NLGN1: variants seen among roughly 807,000 people sequenced by gnomAD.
The protein encoded by NLGN1 is neuroligin-1.
In NLGN1, 12 loss-of-function variants were observed where a neutral mutation model predicts 65.5. The ratio of observed to expected loss-of-function variants is 0.18; its 90% CI spans 0.12 to 0.30. The LOEUF is 0.30. Among genes scored for constraint, NLGN1 ranks in the 10% least tolerant of loss-of-function variants. NLGN1 has a pLI of 1.00. For missense variants in NLGN1, 750 were observed against 1,007.1 expected (o/e 0.74, Z 3.46); for synonymous variants, 350 against 359.5 (o/e 0.97, Z 0.30).
At chr3:173,747,308 ATATT>A (rs1775603823) in intron 3 of NLGN1, among the ~76,000 whole-genome samples, 2 of 138,838 alleles carry the variant, frequency 1.4e-5, no homozygotes, top group Non-Finnish European at 3.1e-5. Context: ...ATGTATGTAT[ATATT>A]TATATATACT....
chr3:173,819,038 G>A (rs1250458171), intron 4 of NLGN1, among the ~76,000 whole-genome samples: 1 of 151,354 alleles, frequency 6.6e-6, no homozygotes, highest in East Asian at 1.9e-4. Flanking sequence ...AAGACATCTT[G>A]TTTATTCTTT....
At chr3:173,557,454 A>G (rs185798968) in intron 2 of NLGN1, among the ~76,000 whole-genome samples, 2 of 152,200 alleles carry the variant, frequency 1.3e-5, no homozygotes, top group Non-Finnish European at 2.9e-5. Flanking sequence ...ATAATTATTT[A>G]TAAGATTGTG....
Position 173,707,752 on chromosome 3 carries a change from A to G in NLGN1, c.494-99928A>G, listed in dbSNP as rs560132800. Among the ~76,000 whole-genome samples, 278 of 152,326 alleles carry G rather than the reference A, an allele frequency of 1.8e-3. 1 individual carries two copies. Among genetic ancestry groups the G allele is most frequent in the Admixed American group, 5.3e-3 (81 of 15,310 alleles). On this transcript the variant is annotated intron_variant, in intron 3 of 6. Coordinates refer to ENST00000457714, the Ensembl canonical transcript of NLGN1. ...CTTTCCTGTATGATAGAATGGTTAA[A>G]TTAATGGCTAAATCTAATTAAGAAA...
chr3:173,431,690 A>G (rs567947491), intron 1 of NLGN1, among the ~76,000 whole-genome samples: 2 of 152,278 alleles, frequency 1.3e-5, no homozygotes, highest in Non-Finnish European at 2.9e-5. Context: ...AGAGTGGTAC[A>G]TTGTTATGAA....
chr3:173,707,916 C>G (rs910484386), intron 3 of NLGN1, among the ~76,000 whole-genome samples: 2 of 152,080 alleles, frequency 1.3e-5, no homozygotes, highest in African/African-American at 4.8e-5. Flanking sequence ...ATAAAACAGC[C>G]CTTGCAATTA....
intron 2 of NLGN1, among the ~76,000 whole-genome samples, chr3:173,503,502 A>T (rs1232514603): frequency 6.6e-6 from 1 of 152,152 alleles, no homozygotes; most frequent in Admixed American, 6.6e-5. Context: ...GAAGTTGTAC[A>T]TGAGAAAGAT....
At chr3:174,214,883 T>TTA (rs1438270402) in intron 4 of NLGN1, among the ~76,000 whole-genome samples, 1 of 152,114 alleles carries the variant, frequency 6.6e-6, no homozygotes, top group Non-Finnish European at 1.5e-5. Flanking sequence ...AAACTTAAAC[T>TTA]TATATGTTAT....
At chr3:174,127,489 G>T (rs2152662602) in intron 4 of NLGN1, among the ~76,000 whole-genome samples, 1 of 151,958 alleles carries the variant, frequency 6.6e-6, no homozygotes, top group South Asian at 2.1e-4. Flanking sequence ...CAGGTGTAGG[G>T]CTCTGAAATA....
At chr3:173,588,948 A>G (rs1019960244) in intron 2 of NLGN1, among the ~76,000 whole-genome samples, 1 of 152,220 alleles carries the variant, frequency 6.6e-6, no homozygotes, top group Non-Finnish European at 1.5e-5. Context: ...TAATACACAT[A>G]TTAGGGACCG....
intron 4 of NLGN1, among the ~76,000 whole-genome samples, chr3:173,860,600 G>A (rs1051454480): frequency 7.2e-5 from 11 of 152,178 alleles, no homozygotes; most frequent in African/African-American, 2.2e-4. Flanking sequence ...GTTAAAATAC[G>A]TTTAAAAGAG....
chr3:174,207,174 G>A (rs6445154), intron 4 of NLGN1, among the ~76,000 whole-genome samples: 3 of 148,990 alleles, frequency 2.0e-5, no homozygotes, highest in South Asian at 2.1e-4. Context: ...GTGTTTTATA[G>A]ATTGTTTTTT....
chr3:173,700,027 C>T (rs1766886928), intron 3 of NLGN1, among the ~76,000 whole-genome samples: 1 of 152,168 alleles, frequency 6.6e-6, no homozygotes, highest in Non-Finnish European at 1.5e-5. Flanking sequence ...CTTCCCATCA[C>T]AAGGACAAAA....
At chr3:173,444,551 T>C (rs1315611906) in intron 2 of NLGN1, among the ~76,000 whole-genome samples, 2 of 152,116 alleles carry the variant, frequency 1.3e-5, no homozygotes, top group Non-Finnish European at 2.9e-5. Context: ...ATTTTGGTCT[T>C]TCAAAAAAAT....
intron 4 of NLGN1, among the ~76,000 whole-genome samples, chr3:174,062,350 CATAGGTGGCACCCTGTTTTAT>C (rs1383105228): frequency 6.6e-6 from 1 of 151,938 alleles, no homozygotes; most frequent in African/African-American, 2.4e-5. Flanking sequence ...TTCTCTTTTC[CATAGGTGGCACCCTGTTTTAT>C]ATAGAAACTG....
rs1025956585 is a variant in NLGN1 at position 173,685,839 on chromosome 3, T to C, written c.493+80748T>C. The stretch of plus-strand genomic sequence containing the variant: ...ATGTGAATATGGAGATATCATTTAC[T>C]ATTCTTCAACATCAGATGTCCTCTT... On this transcript the variant is annotated intron_variant, in intron 3 of 6. Coordinates refer to ENST00000457714, the Ensembl canonical transcript of NLGN1. 31 of 961,684 alleles carry C rather than the reference T, an allele frequency of 3.2e-5. No homozygotes were observed. The African/African-American group carries it at 4.7e-4, about 15-fold the overall frequency. The allele number at this position is 961,684 out of a possible 1,614,324, so 59.6% of individuals were successfully genotyped here. A position where few individuals can be genotyped will look rare whatever the true frequency, so the allele number is the denominator to read the frequency against.
upstream of NLGN1, chr3:173,397,678 C>G (rs1296471740): frequency 6.6e-6 from 1 of 152,430 alleles, no homozygotes; most frequent in Non-Finnish European, 1.5e-5. Flanking sequence ...CGCCGCTCCT[C>G]CCCGCCTCCC....
intron 2 of NLGN1, among the ~76,000 whole-genome samples, chr3:173,545,163 C>A (rs1178945524): frequency 2.6e-5 from 4 of 152,124 alleles, no homozygotes; most frequent in Non-Finnish European, 5.9e-5. Context: ...CAACCTCTGC[C>A]TCCCAGATTC....
At chr3:174,135,235 G>A (rs1365083770) in intron 4 of NLGN1, among the ~76,000 whole-genome samples, 5 of 152,108 alleles carry the variant, frequency 3.3e-5, no homozygotes. Flanking sequence ...TTAGGTAAAT[G>A]TCTGAAAATA....
At chr3:173,414,926 C>T (rs1244065335) in intron 1 of NLGN1, among the ~76,000 whole-genome samples, 2 of 152,124 alleles carry the variant, frequency 1.3e-5, no homozygotes, top group African/African-American at 2.4e-5. Flanking sequence ...ATATGAATAA[C>T]GTCATCAGAG....
Sources: allele counts gnomAD v4.1 joint callset (sites outside exome capture counted in the v4.1 genomes callset), GRCh38; gene constraint gnomAD v4.1.1; transcripts MANE v1.5; gene names NCBI Gene and HGNC (gene_info 2026-07-23, HGNC 2026-07-21).